The following CAMK2G variants were observed in gnomAD, a reference collection of about 807,000 sequenced individuals.
CAMK2G encodes the protein calcium/calmodulin dependent protein kinase II gamma.
In CAMK2G, 23 loss-of-function variants were observed where a neutral mutation model predicts 88.7. The ratio of observed to expected loss-of-function variants is 0.26; its 90% CI spans 0.19 to 0.37. The LOEUF (loss-of-function observed/expected upper bound fraction) is 0.37. Among genes scored for constraint, CAMK2G ranks in the 10% least tolerant of loss-of-function variants. The pLI, the probability that CAMK2G is intolerant of heterozygous loss-of-function variation, is 1.00. For missense variants in CAMK2G, 476 were observed against 780.8 expected (o/e 0.61, Z 4.65); for synonymous variants, 263 against 294.8 (o/e 0.89, Z 1.11).
intron 3 of CAMK2G, among the ~76,000 whole-genome samples, chr10:73,860,397 C>T (rs2095320254): frequency 6.6e-6 from 1 of 152,124 alleles, no homozygotes; most frequent in African/African-American, 2.4e-5. Flanking sequence ...CCATGGAAAC[C>T]CCCAGAGTGT....
chr10:73,820,043 GGA>G (rs1356288450), intron 18 of CAMK2G, among the ~76,000 whole-genome samples: 1 of 152,216 alleles, frequency 6.6e-6, no homozygotes, highest in Non-Finnish European at 1.5e-5. Flanking sequence ...ACAGGGGCCT[GGA>G]GCTACTATGA....
In CAMK2G at chr10:73,860,810, C is replaced by G; in HGVS notation, c.220+20G>C. ...GCTTCTACAAAATACCCACAAAATG[C>G]TCCATGCCCAGGCACTCACCGATGT... On this transcript the variant is annotated intron_variant, in intron 3 of 22. Coordinates refer to ENST00000423381, the MANE Select transcript of CAMK2G (RefSeq NM_001367534.1). 1 of 1,592,758 alleles carries G rather than the reference C, an allele frequency of 6.3e-7. No individual in the cohort carries two copies. Among genetic ancestry groups the G allele is most frequent in the South Asian group, 1.1e-5 (1 of 90,656 alleles).
At chr10:73,843,147 A>AC (rs1178588848) in intron 10 of CAMK2G, among the ~76,000 whole-genome samples, 3 of 150,998 alleles carry the variant, frequency 2.0e-5, no homozygotes, top group African/African-American at 7.3e-5. Context: ...ATCTCGGCTC[A>AC]CCGTAGCCTC....
chr10:73,838,848 A>G (rs1020917092), intron 13 of CAMK2G, among the ~76,000 whole-genome samples: 3 of 152,074 alleles, frequency 2.0e-5, no homozygotes, highest in Non-Finnish European at 4.4e-5. Flanking sequence ...TAAGGGTCTG[A>G]TTTTATTGTC....
chr10:73,842,168 C>T lies in CAMK2G; in HGVS notation c.946+1G>A. The T allele has an allele frequency of 1.2e-6, 2 of 1,611,588 alleles. No individual in the cohort carries two copies. Among genetic ancestry groups the T allele is most frequent in the Non-Finnish European group, 1.7e-6 (2 of 1,177,630 alleles). ...CAAAGTACACAGCTGGGAAAACATA[C>T]CTGAGAAGTTCCTGGAGACAAGCAT... is the stretch of plus-strand genomic sequence containing the variant. On this transcript the variant is annotated splice_donor_variant, in intron 12 of 22. Transcript: ENST00000423381. LOFTEE classifies it high-confidence loss of function. The surrounding 1 kb of genome is among the most constrained non-coding windows in gnomAD (Gnocchi z 4.6).
intron 2 of CAMK2G, among the ~76,000 whole-genome samples, chr10:73,869,616 G>A (rs1389652966): frequency 6.6e-6 from 1 of 152,190 alleles, no homozygotes; most frequent in Non-Finnish European, 1.5e-5. Context: ...TGTGTATGTG[G>A]CTGGCATACG....
chr10:73,849,930 G>C (rs1302898366), intron 5 of CAMK2G, among the ~76,000 whole-genome samples: 1 of 152,194 alleles, frequency 6.6e-6, no homozygotes, highest in Non-Finnish European at 1.5e-5. Flanking sequence ...GTACTTAAGA[G>C]CTTCCAAACA....
At chr10:73,857,086 G>T (rs575250674) in intron 3 of CAMK2G, among the ~76,000 whole-genome samples, 1 of 152,308 alleles carries the variant, frequency 6.6e-6, no homozygotes, top group Non-Finnish European at 1.5e-5. Flanking sequence ...CCCCACCATG[G>T]GGGCAGGGAT....
At chr10:73,871,363 C>T (rs2095823739) in intron 2 of CAMK2G, among the ~76,000 whole-genome samples, 1 of 152,114 alleles carries the variant, frequency 6.6e-6, no homozygotes, top group Admixed American at 6.5e-5. Context: ...GAAGTCACCA[C>T]ATCACCTATC....
intron 2 of CAMK2G, among the ~76,000 whole-genome samples, chr10:73,868,357 T>C (rs371055021): frequency 2.2e-4 from 34 of 152,250 alleles, no homozygotes; most frequent in African/African-American, 7.5e-4. Flanking sequence ...CAAGTCACTC[T>C]AGGAAGACAG....
At chr10:73,855,465 C>A (rs2135290526) in intron 3 of CAMK2G, among the ~76,000 whole-genome samples, 1 of 152,312 alleles carries the variant, frequency 6.6e-6, no homozygotes, top group East Asian at 1.9e-4. Context: ...GAAGTGGAGC[C>A]ACTCAGCTCT....
Position 73,848,199 on chromosome 10 carries a change from A to T in CAMK2G, c.602-117T>A. ...AGGCAGGGGCCATACCAGAGTCAGA[A>T]GTGGATGCCAGCCGATAATGCTATG... On this transcript the variant is annotated intron_variant, in intron 8 of 22. Transcript: ENST00000423381. The surrounding 1 kb of genome is among the most constrained non-coding windows in gnomAD (Gnocchi z 4.5). The T allele has an allele frequency of 1.4e-6, 1 of 696,376 alleles. No homozygotes were observed. Among genetic ancestry groups the T allele is most frequent in the South Asian group, 1.6e-5 (1 of 62,730 alleles). The allele number at this position is 696,376 out of a possible 1,614,324, so 43.1% of individuals were successfully genotyped here.
intron 3 of CAMK2G, among the ~76,000 whole-genome samples, chr10:73,860,581 A>G (rs2095329441): frequency 2.0e-5 from 3 of 152,180 alleles, no homozygotes; most frequent in Admixed American, 6.5e-5. Context: ...AAGGGAAGAA[A>G]TAGCATCTGA....
intron 2 of CAMK2G, among the ~76,000 whole-genome samples, chr10:73,870,312 C>T (rs191840540): frequency 4.6e-5 from 7 of 152,294 alleles, no homozygotes; most frequent in East Asian, 1.9e-4. Flanking sequence ...CTGAAGCAAA[C>T]GGAGTGACGT....
At chr10:73,871,580 T>C (rs1425172820) in intron 2 of CAMK2G, among the ~76,000 whole-genome samples, 1 of 152,184 alleles carries the variant, frequency 6.6e-6, no homozygotes, top group South Asian at 2.1e-4. Context: ...CCTTCCATCC[T>C]TGGCCAGAGG....
intron 14 of CAMK2G, among the ~76,000 whole-genome samples, chr10:73,831,244 T>TA (rs2092377278): frequency 6.6e-6 from 1 of 152,050 alleles, no homozygotes; most frequent in Non-Finnish European, 1.5e-5. Context: ...CCAGTCTTTT[T>TA]AAAAAATGCA....
At chr10:73,828,361 A>G (rs1220368532) in intron 14 of CAMK2G, among the ~76,000 whole-genome samples, 1 of 152,214 alleles carries the variant, frequency 6.6e-6, no homozygotes, top group Non-Finnish European at 1.5e-5. Context: ...CAGATTTAGT[A>G]TCTTCTGAGA....
intron 2 of CAMK2G, among the ~76,000 whole-genome samples, chr10:73,872,249 T>A (rs2095858480): frequency 6.6e-6 from 1 of 152,226 alleles, no homozygotes; most frequent in Non-Finnish European, 1.5e-5. Flanking sequence ...AAGCCTCAGG[T>A]ACTTGGGAGG....
rs143610843 is a variant in CAMK2G at position 73,817,063 on chromosome 10, G to A, written c.1494C>T (p.Leu498=). 13 of 1,613,902 alleles carry A rather than the reference G, an allele frequency of 8.1e-6. 1 individual carries two copies. Among genetic ancestry groups the A allele is most frequent in the Middle Eastern group, 1.6e-4 (1 of 6,062 alleles). The change falls in exon 21 of 23, where the codon CTC becomes CTT. Residue 498 remains leucine, a synonymous_variant. Coordinates refer to ENST00000423381, the MANE Select transcript of CAMK2G (RefSeq NM_001367534.1). ...TSFEPEALGN[L]VEGMDFHKFY... Reference sequence around the variant, plus strand: ...ACTTATGGAAATCCATCCCCTCCACGAGGTTACCAAGGGCCTCAGGCTCAA... The same window carrying A: ...ACTTATGGAAATCCATCCCCTCCACAAGGTTACCAAGGGCCTCAGGCTCAA...
Sources: allele counts gnomAD v4.1 joint callset (sites outside exome capture counted in the v4.1 genomes callset), GRCh38; gene constraint gnomAD v4.1.1; non-coding constraint Gnocchi (gnomAD v3.1); transcripts MANE v1.5; gene names NCBI Gene and HGNC (gene_info 2026-07-23, HGNC 2026-07-21).